The following TRIM14 variants were observed in gnomAD, a reference collection of about 807,000 sequenced individuals.
TRIM14 encodes tripartite motif containing 14.
TRIM14 carries 28 observed loss-of-function variants against 44.5 expected under a neutral mutation model. The ratio of observed to expected loss-of-function variants is 0.63; its 90% CI spans 0.47 to 0.86. The LOEUF is 0.86. Ranked by LOEUF, TRIM14 falls within the 40% of genes least tolerant of loss-of-function variation. TRIM14 has a pLI of 0.00. For synonymous variants in TRIM14, 299 were observed against 269.2 expected (o/e 1.11, Z -1.08); for missense variants, 607 against 611.1 (o/e 0.99, Z 0.07).
chr9:98,089,568 G>T (rs1275084776), intron 5 of TRIM14, among the ~76,000 whole-genome samples: 2 of 152,162 alleles, frequency 1.3e-5, no homozygotes, highest in African/African-American at 4.8e-5. Context: ...TACTTAGAGG[G>T]TCTAGAACCA....
At chr9:98,090,560 C>CTTT (rs56909266) in intron 5 of TRIM14, among the ~76,000 whole-genome samples, 3 of 124,254 alleles carry the variant, frequency 2.4e-5, no homozygotes, top group Non-Finnish European at 3.3e-5. Flanking sequence ...GATTTGTGCA[C>CTTT]TTTTTTTTTT....
chr9:98,094,110 C>A (rs1219692001), intron 4 of TRIM14, among the ~76,000 whole-genome samples: 1 of 152,166 alleles, frequency 6.6e-6, no homozygotes, highest in Non-Finnish European at 1.5e-5. Flanking sequence ...GTCTGTCTTC[C>A]CCTACGAAGA....
downstream of TRIM14, chr9:98,083,121 G>A: frequency 2.7e-6 from 4 of 1,500,582 alleles, no homozygotes; most frequent in African/African-American, 1.4e-5. Context: ...TTTGAGTGAG[G>A]CGAGGGCAGG....
intron 2 of TRIM14, among the ~76,000 whole-genome samples, chr9:98,100,564 A>C (rs1342058003): frequency 6.6e-6 from 1 of 152,218 alleles, no homozygotes; most frequent in African/African-American, 2.4e-5. Flanking sequence ...AAGCATAAGA[A>C]AAGCCAAAAT....
Position 98,110,052 on chromosome 9 carries a change from G to C in TRIM14, c.208-68C>G. The C allele has an allele frequency of 1.2e-5, 14 of 1,198,746 alleles. 1 individual carries two copies. The South Asian group carries it at 1.7e-4, about 15-fold the overall frequency. The allele number at this position is 1,198,746 out of a possible 1,614,324, so 74.3% of individuals were successfully genotyped here. A position where few individuals can be genotyped will look rare whatever the true frequency, so the allele number is the denominator to read the frequency against. On this transcript the variant is annotated intron_variant, in intron 1 of 5. Transcript: ENST00000341469. ...TTTCCAAATAACAGGCCCCCCACAG[G>C]GGTCACCTCCTCTTACCCTTGTATT...
At chr9:98,111,513 T>C (rs1826853733) in intron 1 of TRIM14, among the ~76,000 whole-genome samples, 1 of 152,088 alleles carries the variant, frequency 6.6e-6, no homozygotes, top group African/African-American at 2.4e-5. Flanking sequence ...GCTATAGAAA[T>C]GATTAGCAAA....
rs762258098 is a variant in TRIM14 at position 98,087,995 on chromosome 9, C to T, written c.804G>A (p.Thr268=). Residue 268 remains threonine, a synonymous_variant, in exon 6 of 6, where the codon ACG becomes ACA. Transcript: ENST00000341469. ...ERSLLLKYAR[T]PTLDPDTMHA... ...GCATCGTGTCAGGATCCAGCGTGGG[C>T]GTGCGCGCGTCTGCAGGGGGCGAGA... 1.9e-6 allele frequency: 3 copies of T among 1,543,540 alleles called. No individual in the cohort carries two copies. The highest frequency in any genetic ancestry group is 2.6e-5 in the East Asian group (1 of 39,122).
intron 1 of TRIM14, among the ~76,000 whole-genome samples, chr9:98,110,653 G>A (rs998012452): frequency 1.8e-4 from 27 of 151,918 alleles, no homozygotes; most frequent in African/African-American, 5.8e-4. Flanking sequence ...GGCTCGCTTC[G>A]TTCTCACTCC....
chr9:98,092,594 A>C (rs1206386380), intron 4 of TRIM14: 1 of 241,948 alleles, frequency 4.1e-6, no homozygotes. Flanking sequence ...GTTTAAATCA[A>C]GTTTTGCCTA....
chr9:98,047,786 C>T, the TRIM14 span, among the ~76,000 whole-genome samples: 1 of 151,902 alleles, frequency 6.6e-6, no homozygotes, highest in Non-Finnish European at 1.5e-5. Flanking sequence ...TGGAAATGAG[C>T]CGGGCGTGGT....
chr9:98,082,844 A>G, downstream of TRIM14: 1 of 1,613,976 alleles, frequency 6.2e-7, no homozygotes, highest in African/African-American at 1.3e-5. Flanking sequence ...TTTTGTCCAC[A>G]GCTGGGCAAG....
intron 1 of TRIM14, among the ~76,000 whole-genome samples, chr9:98,118,063 G>T (rs1827115767): frequency 6.6e-6 from 1 of 152,138 alleles, no homozygotes; most frequent in African/African-American, 2.4e-5. Flanking sequence ...CTGGAGTCAT[G>T]CAGTACCGGA....
chr9:98,083,842 T>C (rs535607769), downstream of TRIM14, among the ~76,000 whole-genome samples: 4 of 152,338 alleles, frequency 2.6e-5, no homozygotes, highest in African/African-American at 7.2e-5. Context: ...GGTGGGAGGA[T>C]TGCTTGAGAC....
In TRIM14 at chr9:98,109,900, C is replaced by G. The variant is rs754776714; in HGVS notation, c.292G>C (p.Glu98Gln). The G allele has an allele frequency of 3.8e-5, 61 of 1,613,220 alleles. No individual in the cohort carries two copies. Among genetic ancestry groups the G allele is most frequent in the Non-Finnish European group, 4.7e-5 (56 of 1,179,606 alleles). ...AAATGTCCACTTGCCTTGAGCTTCT[C>G]GGTGGCATCTTCTATCTGGGTTATG... ...DNITQIEDAT[E>Q]KLKANAESSK... The change falls in exon 2 of 6, where the codon GAG (glutamate) becomes CAG (glutamine). Residue 98 changes from glutamate (E) to glutamine (Q), a missense_variant. By Grantham distance (29) the Glu-to-Gln change is conservative (BLOSUM62 2). Transcript: ENST00000341469.
At chr9:98,118,389 A>G (rs553540447) in intron 1 of TRIM14, among the ~76,000 whole-genome samples, 2 of 152,102 alleles carry the variant, frequency 1.3e-5, no homozygotes, top group South Asian at 2.1e-4. Context: ...GTGGCCTATA[A>G]AATGGCTGTA....
At chr9:98,040,986 A>G in the TRIM14 span, among the ~76,000 whole-genome samples, 1 of 151,930 alleles carries the variant, frequency 6.6e-6, no homozygotes, top group Non-Finnish European at 1.5e-5. Context: ...ACAGGGTTTA[A>G]TCATGTTGGC....
rs1055928282 is a variant in TRIM14, at chr9:98,088,073, C to T, written c.794-68G>A. ...AGCGCGGCGCCCCGCCCCCGGGAAC[C>T]CACCAACGCACGTGCAAATCACAAA... On this transcript the variant is annotated intron_variant, in intron 5 of 5. Transcript: ENST00000341469. 6.5e-6 allele frequency: 9 copies of T among 1,380,444 alleles called. No individual in the cohort carries two copies. The African/African-American group carries it at 7.7e-5, about 12-fold the overall frequency. 85.5% of individuals were successfully genotyped at this position (1,380,444 alleles called of 1,614,324 possible).
rs758342931 is a variant in TRIM14, at chr9:98,087,232, G to T, written c.*238C>A. On this transcript the variant is annotated 3_prime_UTR_variant, in exon 6 of 6. Coordinates refer to ENST00000341469, the MANE Select transcript of TRIM14 (RefSeq NM_014788.4). ...ATTAAAGTAGTGTAAGTGATGGTGG[G>T]GTGAGGGTGCGGAGGTCTGATGAGA... is the stretch of plus-strand genomic sequence containing the variant. The T allele has an allele frequency of 7.7e-6, 6 of 780,410 alleles. No homozygotes were observed. The African/African-American group carries it at 1.0e-4, about 13-fold the overall frequency. The allele number at this position is 780,410 out of a possible 1,614,324, so 48.3% of individuals were successfully genotyped here. A position where few individuals can be genotyped will look rare whatever the true frequency, so the allele number is the denominator to read the frequency against.
At chr9:98,096,733 C>T (rs560780101) in intron 3 of TRIM14, among the ~76,000 whole-genome samples, 64 of 152,224 alleles carry the variant, frequency 4.2e-4, no homozygotes, top group African/African-American at 1.5e-3. Flanking sequence ...TCCCCACTGC[C>T]CCTGTCTTGG....
Sources: allele counts gnomAD v4.1 joint callset (sites outside exome capture counted in the v4.1 genomes callset), GRCh38; gene constraint gnomAD v4.1.1; transcripts MANE v1.5; gene names NCBI Gene and HGNC (gene_info 2026-07-23, HGNC 2026-07-21).